GREB1: variants seen among roughly 807,000 people sequenced by gnomAD.
The protein encoded by GREB1 is protein GREB1.
Under a neutral mutation model 200.7 loss-of-function variants are expected in GREB1, and 106 were observed. That is an observed-to-expected ratio of 0.53 (90% CI 0.45 to 0.62). The LOEUF is 0.62. Ranked by LOEUF, GREB1 falls within the 20% of genes least tolerant of loss-of-function variation. GREB1 has a pLI of 0.00. For missense variants in GREB1, 2,243 were observed against 2,556.8 expected, an observed-to-expected ratio of 0.88 and a Z score of 2.65; for synonymous variants, 1,132 against 1,092.4, an observed-to-expected ratio of 1.04 and a Z score of -0.72.
intron 9 of GREB1, chr2:11,587,656 A>AT: frequency 7.3e-7 from 1 of 1,378,852 alleles, no homozygotes; most frequent in Non-Finnish European, 9.4e-7. Context: ...CAGAAAATAT[A>AT]TTTTTGGTGA....
At chr2:11,555,538 T>C (rs569689183) in intron 1 of GREB1, among the ~76,000 whole-genome samples, 1 of 152,290 alleles carries the variant, frequency 6.6e-6, no homozygotes, top group Admixed American at 6.5e-5. Flanking sequence ...AAACAATACA[T>C]CAAAATACGT....
chr2:11,607,548 GTACA>G (rs1245638852), intron 17 of GREB1, among the ~76,000 whole-genome samples: 32 of 110,752 alleles, frequency 2.9e-4, no homozygotes, highest in Admixed American at 2.3e-3. Context: ...ATACATATAT[GTACA>G]TACATATATA....
chr2:11,625,287 G>T lies in GREB1; in HGVS notation c.4281G>T (p.Ser1427=). 1 of 1,614,108 alleles carries T rather than the reference G, an allele frequency of 6.2e-7. No individual in the cohort carries two copies. Among genetic ancestry groups the T allele is most frequent in the Non-Finnish European group, 8.5e-7 (1 of 1,179,988 alleles). Residue 1427 remains serine, a synonymous_variant, in exon 24 of 33, where the codon TCG becomes TCT. Transcript: ENST00000381486. ...ATGAAGATGCCAGCCTGATTTGTTC[G>T]CACTATCAGGGTATAAAGAGTGAAG... The part of the protein sequence containing the change: ...PKYEDASLIC[S]HYQGIKSEDR...
chr2:11,617,432 G>A (rs1011947713), intron 21 of GREB1, among the ~76,000 whole-genome samples: 1 of 152,258 alleles, frequency 6.6e-6, no homozygotes, highest in African/African-American at 2.4e-5. Context: ...ATGTAGACCT[G>A]ACCTCAGGGA....
At chr2:11,510,761 C>T (rs1456352073) in intron 1 of GREB1, among the ~76,000 whole-genome samples, 1 of 145,846 alleles carries the variant, frequency 6.9e-6, no homozygotes, top group Non-Finnish European at 1.5e-5. Context: ...GCTACTGTGG[C>T]TCACTGCAAC....
chr2:11,595,791 C>T (rs1681154648), intron 12 of GREB1, among the ~76,000 whole-genome samples: 1 of 152,140 alleles, frequency 6.6e-6, no homozygotes, highest in Non-Finnish European at 1.5e-5. Context: ...CTACCCACCC[C>T]TCAAGACTCA....
rs754358869 is a variant in GREB1 at position 11,618,706 on chromosome 2, G to C, written c.3831G>C (p.Leu1277=). 17 of 1,613,512 alleles carry C rather than the reference G, an allele frequency of 1.1e-5. No homozygotes were observed. The Admixed American group carries it at 2.5e-4, about 24-fold the overall frequency. ...DMVVSTDSSG[L]PKAASLLPSP... is the part of the protein sequence containing the mutation. ...TTGTGTCCACTGACAGCAGTGGCCTGCCCAAGGCCGCCTCCCTCCTGCCCT... is the reference window on the plus strand; with the variant it reads ...TTGTGTCCACTGACAGCAGTGGCCTCCCCAAGGCCGCCTCCCTCCTGCCCT... Residue 1277 remains leucine, a synonymous_variant, in exon 22 of 33, where the codon CTG becomes CTC. Transcript: ENST00000381486.
chr2:11,561,191 TAC>T (rs1676984449), intron 2 of GREB1: 1 of 152,190 alleles, frequency 6.6e-6, no homozygotes, highest in Non-Finnish European at 1.5e-5. Context: ...AAAAGCTTCC[TAC>T]ATTGCTTCTC....
rs182538792 is a variant in GREB1 at position 11,620,152 on chromosome 2, T to C, written c.4045-753T>C. 2.5e-3 allele frequency among the ~76,000 whole-genome samples: 381 copies of C among 152,232 alleles called. 1 individual carries two copies. The highest frequency in any genetic ancestry group is 3.6e-3 in the Non-Finnish European group (244 of 68,004). On this transcript the variant is annotated intron_variant, in intron 22 of 32. Coordinates refer to ENST00000381486, the MANE Select transcript of GREB1 (RefSeq NM_014668.4). ...CTACCATGCCCGGCTAATTTTTGTA[T>C]TTTTAGTAGAGATGGGGTTTCACCA...
At chr2:11,550,403 C>T (rs766642758) in intron 1 of GREB1, among the ~76,000 whole-genome samples, 3 of 152,110 alleles carry the variant, frequency 2.0e-5, no homozygotes, top group Non-Finnish European at 4.4e-5. Context: ...AGGGACATTG[C>T]GTCATTTGAG....
chr2:11,627,596 T>A (rs1684572945), intron 25 of GREB1, among the ~76,000 whole-genome samples: 1 of 152,264 alleles, frequency 6.6e-6, no homozygotes, highest in Non-Finnish European at 1.5e-5. Flanking sequence ...GAGCACCTAC[T>A]GCATGCCAGG....
rs542105371 is a variant in GREB1 at position 11,572,614 on chromosome 2, G to T, written c.455-3739G>T. ...CCTCCACATCTCACACTGTTGTGGG[G>T]GGCTATATATTTGCTCCCCTAGGGC... On this transcript the variant is annotated intron_variant, in intron 4 of 32. Transcript: ENST00000381486. Among the ~76,000 whole-genome samples, 6 of 152,138 alleles carry T rather than the reference G, an allele frequency of 3.9e-5. No homozygotes were observed. The South Asian group carries it at 1.2e-3, about 32-fold the overall frequency.
upstream of GREB1, among the ~76,000 whole-genome samples, chr2:11,529,681 C>G (rs980556257): frequency 6.6e-6 from 1 of 152,086 alleles, no homozygotes; most frequent in Non-Finnish European, 1.5e-5. Flanking sequence ...GCTAGAAATA[C>G]CTCAAATAGA....
At chr2:11,532,776 T>C (rs1035818214), upstream of GREB1, among the ~76,000 whole-genome samples, 1 of 152,178 alleles carries the variant, frequency 6.6e-6, no homozygotes, top group African/African-American at 2.4e-5. Context: ...GTTCTTGTTA[T>C]CCAGGTTTAA....
At chr2:11,616,814 C>T (rs902621410) in intron 21 of GREB1, 94 bp downstream of exon 21, 1 of 750,450 alleles carries the variant, frequency 1.3e-6, no homozygotes, top group African/African-American at 1.7e-5. Flanking sequence ...ATTTGCTGAT[C>T]CTTTATTTTC....
intron 2 of GREB1, among the ~76,000 whole-genome samples, chr2:11,557,549 G>C (rs946792773): frequency 6.6e-6 from 1 of 152,220 alleles, no homozygotes; most frequent in Non-Finnish European, 1.5e-5. Flanking sequence ...CTTGCTGTGC[G>C]TGAGTGTGTA....
chr2:11,618,095 G>A (rs190390373), intron 21 of GREB1, among the ~76,000 whole-genome samples, 193 bp from the exon 22 acceptor site: 1 of 152,308 alleles, frequency 6.6e-6, no homozygotes, highest in African/African-American at 2.4e-5. Context: ...GGCAAGTTCT[G>A]GGACAGCTCA....
intron 1 of GREB1, among the ~76,000 whole-genome samples, chr2:11,535,562 G>A (rs1053412353): frequency 6.6e-6 from 1 of 151,790 alleles, no homozygotes; most frequent in Non-Finnish European, 1.5e-5. Flanking sequence ...CCAGTGCCTG[G>A]CACACAGGAT....
At chr2:11,589,468 G>A (rs901994847) in intron 10 of GREB1, among the ~76,000 whole-genome samples, 6 of 152,146 alleles carry the variant, frequency 3.9e-5, no homozygotes, top group East Asian at 1.9e-4. Flanking sequence ...TGTCCCAGTC[G>A]CTGGAGAGGC....
Sources: allele counts gnomAD v4.1 joint callset (sites outside exome capture counted in the v4.1 genomes callset), GRCh38; gene constraint gnomAD v4.1.1; transcripts MANE v1.5; gene names NCBI Gene and HGNC (gene_info 2026-07-23, HGNC 2026-07-21).